The following ZNF589 variants were observed in gnomAD, a reference collection of about 807,000 sequenced individuals.
ZNF589 encodes zinc finger protein 589.
ZNF589 carries 17 observed loss-of-function variants against 13.6 expected under a neutral mutation model. That is an observed-to-expected ratio of 1.25 (90% CI 0.86 to 1.88). ZNF589 has a LOEUF of 1.88. Among genes scored for constraint, ZNF589 ranks in the 40% most tolerant of loss-of-function variants. ZNF589 has a pLI of 0.00. For synonymous variants in ZNF589, 148 were observed against 161.6 expected, an observed-to-expected ratio of 0.92 and a Z score of 0.64; for missense variants, 407 against 434.0, an observed-to-expected ratio of 0.94 and a Z score of 0.55.
intron 2 of ZNF589, among the ~76,000 whole-genome samples, chr3:48,255,646 A>G (rs990843573): frequency 6.6e-6 from 1 of 151,880 alleles, no homozygotes; most frequent in Non-Finnish European, 1.5e-5. Flanking sequence ...GGTGCTACCA[A>G]CCACGCCTGG....
At chr3:48,260,448 A>G (rs2033958657) in intron 2 of ZNF589, among the ~76,000 whole-genome samples, 1 of 152,086 alleles carries the variant, frequency 6.6e-6, no homozygotes, top group South Asian at 2.1e-4. Flanking sequence ...TCACTCTGTC[A>G]CCCACGCTGG....
Position 48,270,143 on chromosome 3 carries a change from A to G in ZNF589, c.*1357A>G, listed in dbSNP as rs1342599249. The G allele has an allele frequency of 4.4e-6, 2 of 456,634 alleles. No homozygotes were observed. The highest frequency in any genetic ancestry group is 4.4e-6 in the Non-Finnish European group (1 of 226,948). The allele number at this position is 456,634 out of a possible 1,614,324, so 28.3% of individuals were successfully genotyped here. A position where few individuals can be genotyped will look rare whatever the true frequency, so the allele number is the denominator to read the frequency against. On this transcript the variant is annotated 3_prime_UTR_variant, in exon 4 of 4. Transcript: ENST00000354698. ...ACTCTCCTGCTTTATTTTTTTCTAC[A>G]TCTCTAGCCTTTGCTGTTTCCTCTC...
At chr3:48,254,225 C>T (rs1255576669) in intron 2 of ZNF589, among the ~76,000 whole-genome samples, 1 of 152,052 alleles carries the variant, frequency 6.6e-6, no homozygotes, top group Non-Finnish European at 1.5e-5. Flanking sequence ...CATTGCACTC[C>T]AGCCTGGGCA....
chr3:48,252,295 G>A lies in ZNF589; in HGVS notation c.96+4618G>A, dbSNP rs189601630. On this transcript the variant is annotated intron_variant, in intron 2 of 3. Coordinates refer to ENST00000354698, the MANE Select transcript of ZNF589 (RefSeq NM_016089.3). ...CAACCTCCACCTCCTGGGTTCAAGC[G>A]ATTCTCCTGCCTCAGCCTCCCTAGT... Among the ~76,000 whole-genome samples, 1,041 of 151,742 alleles carry A rather than the reference G, an allele frequency of 6.9e-3. 7 individuals are homozygous for A. Among genetic ancestry groups the A allele is most frequent in the Admixed American group, 0.012 (182 of 15,214 alleles).
intron 2 of ZNF589, among the ~76,000 whole-genome samples, chr3:48,250,913 T>G (rs947454028): frequency 6.6e-6 from 1 of 151,814 alleles, no homozygotes; most frequent in Admixed American, 6.6e-5. Context: ...TTTTTAAATA[T>G]GAAATTTTTG....
chr3:48,260,893 A>G lies in ZNF589; in HGVS notation c.177A>G (p.Leu59=). The part of the protein sequence containing the change: ...WKRLSLEQRN[L]YKEVMLENLR... ...GACTGAGCCTTGAGCAGAGGAACCT[A>G]TACAAAGAAGTGATGCTGGAAAATC... The change falls in exon 3 of 4, where the codon CTA becomes CTG. Residue 59 remains leucine (L), a synonymous_variant. Coordinates refer to ENST00000354698, the MANE Select transcript of ZNF589 (RefSeq NM_016089.3). 6.2e-7 allele frequency: 1 copy of G among 1,614,204 alleles called. No homozygotes were observed. Among genetic ancestry groups the G allele is most frequent in the Non-Finnish European group, 8.5e-7 (1 of 1,180,030 alleles).
chr3:48,253,800 C>T (rs953673759), intron 2 of ZNF589, among the ~76,000 whole-genome samples: 12 of 152,096 alleles, frequency 7.9e-5, no homozygotes, highest in Admixed American at 3.3e-4. Context: ...CCGTGCCCGG[C>T]GCTAGTCAGA....
At chr3:48,248,889 A>G (rs1359710079) in intron 2 of ZNF589, among the ~76,000 whole-genome samples, 1 of 152,184 alleles carries the variant, frequency 6.6e-6, no homozygotes, top group African/African-American at 2.4e-5. Flanking sequence ...AAATTCGCGT[A>G]GCTTCATGAA....
intron 2 of ZNF589, among the ~76,000 whole-genome samples, chr3:48,254,857 GTTTTT>G (rs770478107): frequency 6.9e-6 from 1 of 145,384 alleles, no homozygotes; most frequent in Non-Finnish European, 1.5e-5. Context: ...TAGTTCCAAG[GTTTTT>G]TTTTTTTATT....
At chr3:48,266,346 C>T (rs1245974803) in intron 3 of ZNF589, among the ~76,000 whole-genome samples, 1 of 152,190 alleles carries the variant, frequency 6.6e-6, no homozygotes, top group Non-Finnish European at 1.5e-5. Flanking sequence ...GATTCCCAGA[C>T]ACCCAGCCCA....
Position 48,269,245 on chromosome 3 carries a change from C to G in ZNF589, c.*459C>G. ...TCACGAAATCACAGCTCATCAGACACCAGAGGACACACACAGGAGAAAAGC... is the reference window on the plus strand; with the variant it reads ...TCACGAAATCACAGCTCATCAGACAGCAGAGGACACACACAGGAGAAAAGC... On this transcript the variant is annotated 3_prime_UTR_variant, in exon 4 of 4. Coordinates refer to ENST00000354698, the MANE Select transcript of ZNF589 (RefSeq NM_016089.3). The G allele has an allele frequency of 6.5e-7, 1 of 1,539,596 alleles. No homozygotes were observed.
intron 3 of ZNF589, among the ~76,000 whole-genome samples, chr3:48,267,338 C>G (rs2034028568): frequency 6.6e-6 from 1 of 152,152 alleles, no homozygotes; most frequent in African/African-American, 2.4e-5. Context: ...TTTTTGTAAT[C>G]CAGGAGGCCA....
At chr3:48,258,346 C>T (rs1360542932) in intron 2 of ZNF589, among the ~76,000 whole-genome samples, 5 of 151,974 alleles carry the variant, frequency 3.3e-5, no homozygotes, top group Non-Finnish European at 5.9e-5. Flanking sequence ...TATATGAATA[C>T]GATGGATTTT....
intron 1 of ZNF589, among the ~76,000 whole-genome samples, chr3:48,243,970 G>A (rs928815445): frequency 6.6e-6 from 1 of 152,176 alleles, no homozygotes; most frequent in African/African-American, 2.4e-5. Flanking sequence ...GTGAGGTCCT[G>A]GAGTGTGCCT....
chr3:48,268,214 C>T lies in ZNF589; in HGVS notation c.523C>T (p.Pro175Ser). 1 of 1,606,774 alleles carries T rather than the reference C, an allele frequency of 6.2e-7. No homozygotes were observed. The highest frequency in any genetic ancestry group is 8.5e-7 in the Non-Finnish European group (1 of 1,176,152). The change falls in exon 4 of 4, where the codon CCA (proline) becomes TCA (serine). Residue 175 changes from proline to serine, a missense_variant. Pro to Ser is a moderately conservative substitution (Grantham distance 74). Transcript: ENST00000354698. ...VGFSSLFQRP[P>S]ISSWGGNRIL... Reference sequence around the variant, plus strand: ...TTTCTCTAGCCTGTTCCAGAGACCACCAATAAGCTCTTGGGGAGGCAACAG... The same window carrying T: ...TTTCTCTAGCCTGTTCCAGAGACCATCAATAAGCTCTTGGGGAGGCAACAG...
chr3:48,245,250 G>A (rs1201351103), intron 1 of ZNF589, among the ~76,000 whole-genome samples: 1 of 152,030 alleles, frequency 6.6e-6, no homozygotes, highest in African/African-American at 2.4e-5. Context: ...AAGTAGCTGG[G>A]GCTACAGGTG....
At position 48,269,200 on chromosome 3, in the gene ZNF589, G is replaced by C; in HGVS notation, c.*414G>C. ...CTGGGGAGAAGCCTTATGCATGCAC[G>C]GAGTGTGGGCAAGGCTTTATCACGA... On this transcript the variant is annotated 3_prime_UTR_variant, in exon 4 of 4. Transcript: ENST00000354698. 8.2e-7 allele frequency: 1 copy of C among 1,222,388 alleles called. No homozygotes were observed. The highest frequency in any genetic ancestry group is 1.2e-6 in the Non-Finnish European group (1 of 860,468). 75.7% of individuals were successfully genotyped at this position (1,222,388 alleles called of 1,614,324 possible).
chr3:48,261,028 C>T (rs2033965494), intron 3 of ZNF589, 89 bp downstream of exon 3: 2 of 1,393,080 alleles, frequency 1.4e-6, no homozygotes, highest in East Asian at 2.4e-5. Context: ...TCTCTTAGAA[C>T]ATATCAGTGA....
At chr3:48,249,012 G>T (rs1349439626) in intron 2 of ZNF589, among the ~76,000 whole-genome samples, 2 of 152,148 alleles carry the variant, frequency 1.3e-5, no homozygotes, top group African/African-American at 4.8e-5. Context: ...TACAGATGAG[G>T]GTGACTTGGG....
Sources: gnomAD v4.1 joint callset for allele counts (sites outside exome capture counted in the v4.1 genomes callset) on GRCh38, gnomAD v4.1.1 for gene constraint, MANE v1.5 for transcripts, NCBI Gene and HGNC (gene_info 2026-07-23, HGNC 2026-07-21) for gene names.